The following MGA variants were observed in gnomAD, a reference collection of about 807,000 sequenced individuals.
The protein encoded by MGA is MAX gene-associated protein.
MGA carries 40 observed loss-of-function variants against 261.1 expected under a neutral mutation model. The observed-to-expected ratio is 0.15, with a 90% CI of 0.12 to 0.20. MGA has a LOEUF of 0.20. MGA is among the 10% of genes least tolerant of loss of function. MGA has a pLI of 1.00. For synonymous variants in MGA, 1,302 were observed against 1,290.6 expected, an observed-to-expected ratio of 1.01 and a Z score of -0.19; for missense variants, 3,397 against 3,630.5, an observed-to-expected ratio of 0.94 and a Z score of 1.65.
chr15:41,711,072 A>G lies in MGA; in HGVS notation c.2807A>G (p.Asp936Gly). The change falls in exon 8 of 24, where the codon GAT (aspartate) becomes GGT (glycine). Residue 936 changes from aspartate to glycine, a missense_variant. Physicochemically the swap from Asp to Gly is moderately conservative, Grantham distance 94. Coordinates refer to ENST00000219905, the MANE Select transcript of MGA (RefSeq NM_001164273.2). ...AAATACTCTCATGTGATTCTAGGAG[A>G]TAAGGTTACCAAGAATTCTTCAGGC... 1 of 1,614,040 alleles carries G rather than the reference A, an allele frequency of 6.2e-7. No homozygotes were observed. Among genetic ancestry groups the G allele is most frequent in the Non-Finnish European group, 8.5e-7 (1 of 1,179,906 alleles).
intron 7 of MGA, among the ~76,000 whole-genome samples, chr15:41,708,575 TC>T (rs1342400510): frequency 6.6e-6 from 1 of 152,192 alleles, no homozygotes; most frequent in African/African-American, 2.4e-5. Context: ...CGCCTCGGCC[TC>T]CCAAAGTGCT....
intron 1 of MGA, among the ~76,000 whole-genome samples, chr15:41,645,788 A>G (rs1418140525): frequency 6.6e-6 from 1 of 152,222 alleles, no homozygotes; most frequent in African/African-American, 2.4e-5. Context: ...TTGTATGGGA[A>G]TGGACATCTC....
At chr15:41,724,323 C>T (rs553073339) in intron 9 of MGA, among the ~76,000 whole-genome samples, 86 of 152,150 alleles carry the variant, frequency 5.7e-4, no homozygotes, top group Admixed American at 1.1e-3. Context: ...TCTTAAGTAC[C>T]TAACCATATT....
Position 41,729,309 on chromosome 15 carries a change from C to T in MGA, c.3803C>T (p.Thr1268Ile). ...CCATCTCCATCATTTCAGCAGCAAACTTCATGTCATTCTAGCCCTGAGAAC... is the reference window on the plus strand; with the variant it reads ...CCATCTCCATCATTTCAGCAGCAAATTTCATGTCATTCTAGCCCTGAGAAC... The change falls in exon 11 of 24, where the codon ACT becomes ATT. Residue 1268 changes from threonine (T) to isoleucine (I), a missense_variant. Physicochemically the swap from Thr to Ile is moderately conservative, Grantham distance 89. Around this residue, in one of 9 missense-constraint regions of MGA, gnomAD observed 1,410 missense variants for 1,386.4 expected, o/e 1.02. Coordinates refer to ENST00000219905, the MANE Select transcript of MGA (RefSeq NM_001164273.2). 6.2e-7 allele frequency: 1 copy of T among 1,613,922 alleles called. No homozygotes were observed. The highest frequency in any genetic ancestry group is 8.5e-7 in the Non-Finnish European group (1 of 1,179,868).
chr15:41,658,808 A>G (rs1004842788), upstream of MGA, among the ~76,000 whole-genome samples: 1 of 151,870 alleles, frequency 6.6e-6, no homozygotes, highest in African/African-American at 2.4e-5. Context: ...CTTCTTCCCA[A>G]GTTGTCCTCA....
At chr15:41,685,068 AT>A (rs2058883277) in intron 2 of MGA, among the ~76,000 whole-genome samples, 1 of 152,216 alleles carries the variant, frequency 6.6e-6, no homozygotes, top group African/African-American at 2.4e-5. Flanking sequence ...GTTAAGTGAA[AT>A]GTTTGAAAGG....
Position 41,764,967 on chromosome 15 carries a change from G to A in MGA, c.7826G>A (p.Gly2609Asp), listed in dbSNP as rs763365190. The change falls in exon 23 of 24, where the codon GGT becomes GAT. Residue 2609 changes from glycine (G) to aspartate (D), a missense_variant. Physicochemically the swap from Gly to Asp is moderately conservative, Grantham distance 94 (BLOSUM62 -1). Transcript: ENST00000219905. ...CAAGGGCAATTGCTCACCCTAAAAGGTCCCCTATTCTCAGGACCAGTGGTA... is the reference window on the plus strand; with the variant it reads ...CAAGGGCAATTGCTCACCCTAAAAGATCCCCTATTCTCAGGACCAGTGGTA... 1.9e-6 allele frequency: 3 copies of A among 1,613,866 alleles called. No individual in the cohort carries two copies. Among genetic ancestry groups the A allele is most frequent in the Non-Finnish European group, 2.5e-6 (3 of 1,179,890 alleles).
chr15:41,647,314 A>G (rs2056953980), intron 1 of MGA, among the ~76,000 whole-genome samples: 1 of 152,200 alleles, frequency 6.6e-6, no homozygotes, highest in Non-Finnish European at 1.5e-5. Context: ...TTACATTTAT[A>G]GTTTGAAATA....
intron 1 of MGA, among the ~76,000 whole-genome samples, chr15:41,642,516 C>A (rs2056843172): frequency 6.6e-6 from 1 of 151,438 alleles, no homozygotes; most frequent in Admixed American, 6.6e-5. Flanking sequence ...ACAGAGTCTT[C>A]CTCTGTTGCC....
At chr15:41,680,983 T>A (rs1021289783) in intron 2 of MGA, among the ~76,000 whole-genome samples, 9 of 152,174 alleles carry the variant, frequency 5.9e-5, no homozygotes, top group Admixed American at 6.6e-5. Context: ...CTACTACAGG[T>A]CATGTCATTA....
chr15:41,700,495 G>T (rs1036212655), intron 5 of MGA, among the ~76,000 whole-genome samples: 4 of 152,132 alleles, frequency 2.6e-5, no homozygotes, highest in Non-Finnish European at 5.9e-5. Context: ...AACATGCAGT[G>T]TTTGGTTTTC....
At position 41,754,401 on chromosome 15, in the gene MGA, C is replaced by T. The variant is rs756218864; in HGVS notation, c.7009-36C>T. 6.7e-6 allele frequency: 10 copies of T among 1,495,898 alleles called. No individual in the cohort carries two copies. The Admixed American group carries it at 9.8e-5, about 15-fold the overall frequency. 92.7% of individuals were successfully genotyped at this position (1,495,898 alleles called of 1,614,324 possible). A position where few individuals can be genotyped will look rare whatever the true frequency, so the allele number is the denominator to read the frequency against. On this transcript the variant is annotated intron_variant, in intron 17 of 23. Transcript: ENST00000219905. ...GAAAAGTTTAGGTGTGCTTGCCACT[C>T]AATACATTATTTACTTTTATAATGA...
intron 15 of MGA, among the ~76,000 whole-genome samples, chr15:41,746,544 C>CAAAAA (rs869061461): frequency 3.2e-5 from 2 of 61,842 alleles, no homozygotes; most frequent in Admixed American, 1.8e-4. Context: ...GACTTCGTCT[C>CAAAAA]AAAAAAAAAA....
At chr15:41,756,707 A>C (rs1463504411) in intron 18 of MGA, among the ~76,000 whole-genome samples, 1 of 152,198 alleles carries the variant, frequency 6.6e-6, no homozygotes, top group Non-Finnish European at 1.5e-5. Context: ...AAACAATTGG[A>C]ATTGGAACTC....
At chr15:41,622,037 G>A (rs1163522937) in intron 1 of MGA, among the ~76,000 whole-genome samples, 1 of 151,864 alleles carries the variant, frequency 6.6e-6, no homozygotes, top group African/African-American at 2.4e-5. Context: ...GCGCGGGGTA[G>A]GGGGAGGGTG....
chr15:41,708,058 T>C, intron 6 of MGA, 46 bp from the exon 7 acceptor site: 8 of 1,479,224 alleles, frequency 5.4e-6, no homozygotes, highest in South Asian at 1.3e-5. Flanking sequence ...TCCATAATAT[T>C]GGCCTGCTAG....
chr15:41,740,168 A>G lies in MGA; in HGVS notation c.4550A>G (p.Asn1517Ser). Residue 1517 changes from asparagine to serine, a missense_variant, in exon 14 of 24, where the codon AAT becomes AGT. By Grantham distance (46) the Asn-to-Ser change is conservative. Around this residue, in one of 9 missense-constraint regions of MGA, gnomAD observed 1,410 missense variants for 1,386.4 expected, o/e 1.02. Transcript: ENST00000219905. ...ACTGCAACAAATCGCCCTGGGAAGAATCTGAAGGCGTTTGTCCCAGCAAAA... is the reference window on the plus strand; with the variant it reads ...ACTGCAACAAATCGCCCTGGGAAGAGTCTGAAGGCGTTTGTCCCAGCAAAA... 6.2e-7 allele frequency: 1 copy of G among 1,614,008 alleles called. No individual in the cohort carries two copies. The highest frequency in any genetic ancestry group is 1.7e-5 in the Admixed American group (1 of 60,020).
At chr15:41,753,809 A>G (rs2062987382) in intron 17 of MGA, among the ~76,000 whole-genome samples, 1 of 152,234 alleles carries the variant, frequency 6.6e-6, no homozygotes, top group Non-Finnish European at 1.5e-5. Context: ...CTTAAGATTT[A>G]TGAAACCTTA....
intron 2 of MGA, among the ~76,000 whole-genome samples, chr15:41,690,956 C>A (rs1254511200): frequency 6.6e-6 from 1 of 150,586 alleles, no homozygotes; most frequent in African/African-American, 2.4e-5. Flanking sequence ...AAGTGTGAGT[C>A]CTCTGAGAAC....
Sources: allele counts gnomAD v4.1 joint callset (sites outside exome capture counted in the v4.1 genomes callset), GRCh38; gene constraint gnomAD v4.1.1; regional missense constraint gnomAD v4.1.1; transcripts MANE v1.5; gene names NCBI Gene and HGNC (gene_info 2026-07-23, HGNC 2026-07-21).